HS6ST3: variants seen among roughly 807,000 people sequenced by gnomAD.
HS6ST3 encodes the protein heparan sulfate 6-O-sulfotransferase 3, also known as heparan-sulfate 6-O-sulfotransferase 3.
A neutral mutation model predicts 36.7 loss-of-function variants in HS6ST3; 12 were observed. The ratio of observed to expected loss-of-function variants is 0.33; its 90% CI spans 0.21 to 0.53. HS6ST3 has a LOEUF of 0.53. HS6ST3 is among the 20% of genes least tolerant of loss of function. The probability of loss-of-function intolerance (pLI) is 0.95; values close to 1 mark genes in which losing one functional copy is unlikely to be tolerated. For synonymous variants in HS6ST3, 240 were observed against 257.5 expected (o/e 0.93, Z 0.65); for missense variants, 584 against 640.9 (o/e 0.91, Z 0.96).
intron 1 of HS6ST3, among the ~76,000 whole-genome samples, chr13:96,287,340 A>G (rs986735670): frequency 2.0e-5 from 3 of 152,152 alleles, no homozygotes; most frequent in Admixed American, 6.6e-5. Flanking sequence ...ATCTTATATA[A>G]TGCCTTAAAA....
chr13:96,618,064 A>G (rs996844454), intron 1 of HS6ST3, among the ~76,000 whole-genome samples: 3 of 152,012 alleles, frequency 2.0e-5, no homozygotes, highest in Non-Finnish European at 2.9e-5. Context: ...CTCTTACCTC[A>G]CTCATCTTGG....
chr13:96,152,316 C>CTTTTTTTTTTTTTTTTTTTTTTTTTTTT (rs766489670), intron 1 of HS6ST3, among the ~76,000 whole-genome samples: 1 of 97,096 alleles, frequency 1.0e-5, no homozygotes, highest in Non-Finnish European at 2.1e-5. Flanking sequence ...GGCCCCTTTC[C>CTTTTTTTTTTTTTTTTTTTTTTTTTTTT]TTTTTTTTTT....
At chr13:96,601,503 T>C (rs1421616498) in intron 1 of HS6ST3, among the ~76,000 whole-genome samples, 1 of 152,068 alleles carries the variant, frequency 6.6e-6, no homozygotes, top group Non-Finnish European at 1.5e-5. Context: ...CTTTAATGTT[T>C]CTTATTTGTA....
intron 1 of HS6ST3, among the ~76,000 whole-genome samples, chr13:96,583,455 G>A (rs889765564): frequency 1.3e-5 from 2 of 151,368 alleles, no homozygotes; most frequent in African/African-American, 2.4e-5. Flanking sequence ...CTCATGATCC[G>A]CCCACCTCGA....
At chr13:96,156,811 C>CT (rs2054112740) in intron 1 of HS6ST3, among the ~76,000 whole-genome samples, 1 of 152,146 alleles carries the variant, frequency 6.6e-6, no homozygotes, top group Non-Finnish European at 1.5e-5. Context: ...TCAGTAATTA[C>CT]ATGAGAAAAT....
intron 1 of HS6ST3, among the ~76,000 whole-genome samples, chr13:96,796,080 C>A (rs1594861970): frequency 1.3e-5 from 2 of 152,112 alleles, no homozygotes; most frequent in African/African-American, 4.8e-5. Flanking sequence ...TCCAATATGT[C>A]TGTTACCTTT....
chr13:96,831,678 G>A (rs768144384), intron 1 of HS6ST3, among the ~76,000 whole-genome samples: 1 of 152,114 alleles, frequency 6.6e-6, no homozygotes, highest in Non-Finnish European at 1.5e-5. Context: ...GAGGCCAGCA[G>A]GCACGCTGGC....
At chr13:96,389,574 T>C (rs1171255936) in intron 1 of HS6ST3, among the ~76,000 whole-genome samples, 1 of 152,188 alleles carries the variant, frequency 6.6e-6, no homozygotes, top group Non-Finnish European at 1.5e-5. Context: ...TTCAAGCATT[T>C]ATCTAGAAAG....
intron 1 of HS6ST3, among the ~76,000 whole-genome samples, chr13:96,802,827 C>T (rs1253692683): frequency 6.6e-6 from 1 of 152,172 alleles, no homozygotes; most frequent in African/African-American, 2.4e-5. Flanking sequence ...TTTTCAGATA[C>T]TTTTCCCATA....
chr13:96,764,756 A>G (rs1877057504), intron 1 of HS6ST3, among the ~76,000 whole-genome samples: 1 of 152,014 alleles, frequency 6.6e-6, no homozygotes, highest in South Asian at 2.1e-4. Flanking sequence ...GCTCTTTCTC[A>G]TATTTTCAAC....
At chr13:96,263,557 C>G (rs2054676809) in intron 1 of HS6ST3, among the ~76,000 whole-genome samples, 2 of 152,114 alleles carry the variant, frequency 1.3e-5, no homozygotes, top group African/African-American at 2.4e-5. Flanking sequence ...CTAGCTTTCT[C>G]CTTAAGACAT....
At chr13:96,252,624 T>C (rs1483168773) in intron 1 of HS6ST3, among the ~76,000 whole-genome samples, 1 of 152,182 alleles carries the variant, frequency 6.6e-6, no homozygotes, top group Non-Finnish European at 1.5e-5. Flanking sequence ...TTGAGATCCG[T>C]GTGCTGTTTG....
In HS6ST3 at chr13:96,838,013, A is replaced by G. The variant is rs1335709032; in HGVS notation, c.*4815A>G. 6.6e-6 allele frequency: 1 copy of G among 152,142 alleles called. No homozygotes were observed. The highest frequency in any genetic ancestry group is 1.5e-5 in the Non-Finnish European group (1 of 68,032). 9.4% of individuals were successfully genotyped at this position (152,142 alleles called of 1,614,324 possible). A position where few individuals can be genotyped will look rare whatever the true frequency, so the allele number is the denominator to read the frequency against. ...AAATGCTTTAAGTTGTCCTAAGATAACATCTGCACACAGAGAGTTTATCTG... is the reference window on the plus strand; with the variant it reads ...AAATGCTTTAAGTTGTCCTAAGATAGCATCTGCACACAGAGAGTTTATCTG... On this transcript the variant is annotated 3_prime_UTR_variant, in exon 2 of 2. Coordinates refer to ENST00000376705, the MANE Select transcript of HS6ST3 (RefSeq NM_153456.4).
At chr13:96,658,644 G>A (rs1423283920) in intron 1 of HS6ST3, among the ~76,000 whole-genome samples, 1 of 151,180 alleles carries the variant, frequency 6.6e-6, no homozygotes, top group Non-Finnish European at 1.5e-5. Context: ...TATGGATAAG[G>A]CTGTTATGAA....
intron 1 of HS6ST3, among the ~76,000 whole-genome samples, chr13:96,307,497 G>T (rs902180893): frequency 2.0e-5 from 3 of 152,020 alleles, no homozygotes; most frequent in South Asian, 4.1e-4. Context: ...AACTGCCGAG[G>T]TATATTTATT....
chr13:96,711,796 C>G (rs576708369), intron 1 of HS6ST3, among the ~76,000 whole-genome samples: 1 of 152,300 alleles, frequency 6.6e-6, no homozygotes, highest in Admixed American at 6.5e-5. Context: ...CATTTTGTGT[C>G]ACACTCTCCC....
intron 1 of HS6ST3, among the ~76,000 whole-genome samples, chr13:96,620,113 A>G (rs925156364): frequency 6.6e-6 from 1 of 152,210 alleles, no homozygotes; most frequent in Non-Finnish European, 1.5e-5. Flanking sequence ...TCCATTGGGG[A>G]TGGGGATGCC....
At position 96,662,483 on chromosome 13, in the gene HS6ST3, C is replaced by G. The variant is rs185755265; in HGVS notation, c.708-170007C>G. ...TTGATATTTTTTTAATCGATCTCTTCTTTCATATCATGTTTGTGTGTGTGT... is the reference window on the plus strand; with the variant it reads ...TTGATATTTTTTTAATCGATCTCTTGTTTCATATCATGTTTGTGTGTGTGT... On this transcript the variant is annotated intron_variant, in intron 1 of 1. Coordinates refer to ENST00000376705, the MANE Select transcript of HS6ST3 (RefSeq NM_153456.4). Among the ~76,000 whole-genome samples, 544 of 146,608 alleles carry G rather than the reference C, an allele frequency of 3.7e-3. 4 individuals are homozygous for G. Among genetic ancestry groups the G allele is most frequent in the African/African-American group, 0.013 (513 of 39,414 alleles).
At chr13:96,798,006 T>G (rs1017698678) in intron 1 of HS6ST3, among the ~76,000 whole-genome samples, 3 of 152,034 alleles carry the variant, frequency 2.0e-5, no homozygotes, top group Non-Finnish European at 4.4e-5. Context: ...CACAGGTTGG[T>G]TTACCTGTGC....
Sources: allele counts gnomAD v4.1 joint callset (sites outside exome capture counted in the v4.1 genomes callset), GRCh38; gene constraint gnomAD v4.1.1; transcripts MANE v1.5; gene names NCBI Gene and HGNC (gene_info 2026-07-23, HGNC 2026-07-21).